The following DDX19B variants were observed in gnomAD, a reference collection of about 807,000 sequenced individuals.
DDX19B encodes ATP-dependent RNA helicase DDX19B.
DDX19B carries 27 observed loss-of-function variants against 58.1 expected under a neutral mutation model. The observed-to-expected ratio is 0.46, with a 90% CI of 0.34 to 0.64. The LOEUF is 0.64. Among genes scored for constraint, DDX19B ranks in the 30% least tolerant of loss-of-function variants. The pLI is 0.01. For missense variants in DDX19B, 399 were observed against 596.5 expected, an observed-to-expected ratio of 0.67 and a Z score of 3.45; for synonymous variants, 187 against 214.4, an observed-to-expected ratio of 0.87 and a Z score of 1.12.
At chr16:70,331,593 AAGCCT>A in intron 9 of DDX19B, 124 bp from the exon 10 acceptor site, 1 of 1,266,692 alleles carries the variant, frequency 7.9e-7, no homozygotes, top group African/African-American at 1.5e-5. Context: ...GAGAAATTTT[AAGCCT>A]AACCTCCTAA....
intron 7 of DDX19B, among the ~76,000 whole-genome samples, chr16:70,327,283 C>T (rs1350498969): frequency 6.6e-6 from 1 of 151,670 alleles, no homozygotes; most frequent in Non-Finnish European, 1.5e-5. Flanking sequence ...GCCTGTAATC[C>T]CAGCACTTTA....
At chr16:70,298,341 G>A (rs905154057), upstream of DDX19B, among the ~76,000 whole-genome samples, 2 of 151,982 alleles carry the variant, frequency 1.3e-5, no homozygotes, top group Non-Finnish European at 2.9e-5. Context: ...AGGAGGTGGA[G>A]GTTGCAGTGA....
At chr16:70,294,996 G>A, upstream of DDX19B, 1 of 1,380,592 alleles carries the variant, frequency 7.2e-7, no homozygotes. Flanking sequence ...CCTGGGTAGA[G>A]GAATAACAAT....
chr16:70,295,739 C>A (rs1236625297), upstream of DDX19B, among the ~76,000 whole-genome samples: 1 of 152,066 alleles, frequency 6.6e-6, no homozygotes, highest in Non-Finnish European at 1.5e-5. Flanking sequence ...GCTGCACACA[C>A]CTGTAGTCCC....
intron 1 of DDX19B, among the ~76,000 whole-genome samples, chr16:70,311,446 C>A (rs1210745598): frequency 6.6e-6 from 1 of 152,040 alleles, no homozygotes; most frequent in Non-Finnish European, 1.5e-5. Flanking sequence ...ATCCAAAGGC[C>A]AAAAATAGAA....
intron 7 of DDX19B, among the ~76,000 whole-genome samples, chr16:70,326,284 A>G (rs951433568): frequency 1.3e-5 from 2 of 152,086 alleles, no homozygotes; most frequent in African/African-American, 2.4e-5. Flanking sequence ...AGACCATCCT[A>G]GCTATCATGG....
At chr16:70,307,158 C>T (rs947316942) in intron 1 of DDX19B, among the ~76,000 whole-genome samples, 3 of 152,080 alleles carry the variant, frequency 2.0e-5, no homozygotes, top group African/African-American at 7.2e-5. Context: ...TTTTTAGCTA[C>T]TATGAATAAT....
In DDX19B at chr16:70,330,036, A is replaced by G. The variant is rs1373290463; in HGVS notation, c.991A>G (p.Ile331Val). The change falls in exon 9 of 12, where the codon ATC becomes GTC. Residue 331 changes from isoleucine (I) to valine (V), a missense_variant. Ile to Val is a conservative substitution (Grantham distance 29). Transcript: ENST00000288071. ...GGCCTTGTGTAACCTCTACGGGGCC[A>G]TCACCATTGCTCAAGCCATGATCTT... Reference protein sequence around the residue: ...FQALCNLYGAITIAQAMIFCH... With the variant: ...FQALCNLYGAVTIAQAMIFCH... 2 of 1,613,878 alleles carry G rather than the reference A, an allele frequency of 1.2e-6. No homozygotes were observed. Among genetic ancestry groups the G allele is most frequent in the African/African-American group, 2.7e-5 (2 of 74,922 alleles).
At chr16:70,320,641 A>C (rs1243762641) in intron 5 of DDX19B, among the ~76,000 whole-genome samples, 2 of 150,546 alleles carry the variant, frequency 1.3e-5, no homozygotes, top group Non-Finnish European at 3.0e-5. Context: ...ACCACCTCCC[A>C]GGTCCTGGAT....
rs561362755 is a variant in DDX19B, at chr16:70,318,977, G to A, written c.389+1389G>A. Reference sequence around the variant, plus strand: ...AAATTAGCTGGGCGTGGTGGTGGGCGCCTGTGGTCCCAGCTACATGGGAGG... The same window carrying A: ...AAATTAGCTGGGCGTGGTGGTGGGCACCTGTGGTCCCAGCTACATGGGAGG... On this transcript the variant is annotated intron_variant, in intron 5 of 11. Coordinates refer to ENST00000288071, the MANE Select transcript of DDX19B (RefSeq NM_007242.7). Among the ~76,000 whole-genome samples, 88 of 151,608 alleles carry A rather than the reference G, an allele frequency of 5.8e-4. 2 individuals are homozygous for A. The highest frequency in any genetic ancestry group is 1.3e-3 in the African/African-American group (53 of 41,334).
Position 70,333,902 on chromosome 16 carries a change from C to A in DDX19B, c.*320C>A. The A allele has an allele frequency of 2.4e-6, 1 of 424,550 alleles. No individual in the cohort carries two copies. The highest frequency in any genetic ancestry group is 4.3e-6 in the Non-Finnish European group (1 of 232,230). The allele number at this position is 424,550 out of a possible 1,614,324, so 26.3% of individuals were successfully genotyped here. ...CTGTGGCTGATTACTTGCCCAGGATCTCCTGTGGCAGCCTCTGCTTGTTCT... is the reference window on the plus strand; with the variant it reads ...CTGTGGCTGATTACTTGCCCAGGATATCCTGTGGCAGCCTCTGCTTGTTCT... On this transcript the variant is annotated 3_prime_UTR_variant, in exon 12 of 12. Transcript: ENST00000288071.
chr16:70,316,210 A>AT, intron 4 of DDX19B, 106 bp downstream of exon 4: 17 of 1,322,740 alleles, frequency 1.3e-5, no homozygotes, highest in South Asian at 3.4e-5. Context: ...TAGCTAACCA[A>AT]GTTTTTTTTT....
chr16:70,304,104 A>G (rs1961619110), intron 1 of DDX19B, among the ~76,000 whole-genome samples: 1 of 151,398 alleles, frequency 6.6e-6, no homozygotes, highest in Non-Finnish European at 1.5e-5. Context: ...CAGTGGCGCA[A>G]TCTCAGCTCA....
intron 9 of DDX19B, 88 bp downstream of exon 9, chr16:70,330,156 C>G: frequency 2.0e-6 from 3 of 1,490,242 alleles, no homozygotes; most frequent in Non-Finnish European, 2.8e-6. Flanking sequence ...CCCTGGGTGC[C>G]ATGGGAAGAA....
intron 4 of DDX19B, among the ~76,000 whole-genome samples, chr16:70,316,590 A>C (rs1420902037): frequency 6.6e-6 from 1 of 152,074 alleles, no homozygotes; most frequent in Non-Finnish European, 1.5e-5. Flanking sequence ...CCAAGGTGAG[A>C]GGATCACTTG....
intron 3 of DDX19B, 53 bp from the exon 4 acceptor site, chr16:70,315,916 C>G: frequency 6.3e-7 from 1 of 1,591,266 alleles, no homozygotes; most frequent in Non-Finnish European, 8.6e-7. Flanking sequence ...AGAGTAAACG[C>G]CTGGTAGGTT....
chr16:70,298,781 T>C (rs1032969915), upstream of DDX19B, among the ~76,000 whole-genome samples: 3 of 152,200 alleles, frequency 2.0e-5, no homozygotes, highest in Non-Finnish European at 4.4e-5. Flanking sequence ...GATTGCATAG[T>C]GGTCAAGTGG....
Position 70,299,268 on chromosome 16 carries a change from A to G in DDX19B, c.-30A>G. On this transcript the variant is annotated 5_prime_UTR_variant, in exon 1 of 12. Transcript: ENST00000288071. Reference sequence around the variant, plus strand: ...CCTCGTGCCATCCCTCGAATCCACCAGCACGAGCGTCCCACCCGCGCCTGG... The same window carrying G: ...CCTCGTGCCATCCCTCGAATCCACCGGCACGAGCGTCCCACCCGCGCCTGG... 6.5e-7 allele frequency: 1 copy of G among 1,549,356 alleles called. No individual in the cohort carries two copies. Among genetic ancestry groups the G allele is most frequent in the Non-Finnish European group, 8.7e-7 (1 of 1,149,494 alleles).
At chr16:70,300,404 T>A (rs1292935869) in intron 1 of DDX19B, among the ~76,000 whole-genome samples, 1 of 151,824 alleles carries the variant, frequency 6.6e-6, no homozygotes, top group Non-Finnish European at 1.5e-5. Context: ...GATGGGGACT[T>A]GCCATGTTGC....
Sources: allele counts gnomAD v4.1 joint callset (sites outside exome capture counted in the v4.1 genomes callset), GRCh38; gene constraint gnomAD v4.1.1; transcripts MANE v1.5; gene names NCBI Gene and HGNC (gene_info 2026-07-23, HGNC 2026-07-21).